Variants in TARP observed in about 807,000 individuals in gnomAD.
the TARP span, among the ~76,000 whole-genome samples, chr7:38,266,498 C>T: frequency 3.5e-3 from 535 of 152,042 alleles, 5 homozygotes; most frequent in Middle Eastern, 0.02. Flanking sequence ...GAACATGTTT[C>T]ACCATATTGA....
the TARP span, among the ~76,000 whole-genome samples, chr7:38,264,616 T>C: frequency 2.0e-5 from 3 of 151,576 alleles, no homozygotes; most frequent in Non-Finnish European, 4.4e-5. Flanking sequence ...TTTTTACTTT[T>C]AGAATTTAGT....
the TARP span, among the ~76,000 whole-genome samples, chr7:38,268,604 T>A: frequency 1.3e-5 from 2 of 151,198 alleles, no homozygotes; most frequent in East Asian, 3.9e-4. Flanking sequence ...GACCAATATG[T>A]TGGTGTTAGA....
the TARP span, chr7:38,265,212 C>A: frequency 1.4e-6 from 1 of 694,992 alleles, no homozygotes; most frequent in Non-Finnish European, 2.3e-6. Flanking sequence ...AGAAAAGTAG[C>A]AGGGCATTTA....
the TARP span, among the ~76,000 whole-genome samples, chr7:38,272,720 C>A: frequency 1.6e-4 from 24 of 149,792 alleles, no homozygotes; most frequent in Non-Finnish European, 3.1e-4. Flanking sequence ...ATAGAAAGTG[C>A]TAGCTCCAGG....
At chr7:38,264,082 C>T in the TARP span, among the ~76,000 whole-genome samples, 7 of 151,866 alleles carry the variant, frequency 4.6e-5, no homozygotes, top group Non-Finnish European at 8.8e-5. Context: ...AGTTCTCTCT[C>T]TCTCTCAATC....
chr7:38,266,219 T>C, the TARP span, among the ~76,000 whole-genome samples: 2 of 151,890 alleles, frequency 1.3e-5, no homozygotes, highest in African/African-American at 4.8e-5. Flanking sequence ...TTCTGCAATT[T>C]CGTGTACTCC....
chr7:38,259,826 A>T, the TARP span: 1 of 434,194 alleles, frequency 2.3e-6, no homozygotes, highest in Non-Finnish European at 4.2e-6. Flanking sequence ...AGCAGGCGCT[A>T]TTTGGGTTGG....
chr7:38,264,784 C>T, the TARP span, among the ~76,000 whole-genome samples: 1 of 151,470 alleles, frequency 6.6e-6, no homozygotes, highest in African/African-American at 2.4e-5. Context: ...ATTTGCCTCC[C>T]CTTTGTGTCT....
chr7:38,261,564 C>T, the TARP span, among the ~76,000 whole-genome samples: 77 of 151,188 alleles, frequency 5.1e-4, no homozygotes, highest in African/African-American at 1.7e-3. Flanking sequence ...CATGTTTTTC[C>T]CAGTCATTAA....
chr7:38,266,096 G>A, the TARP span, among the ~76,000 whole-genome samples: 4 of 151,280 alleles, frequency 2.6e-5, no homozygotes, highest in African/African-American at 9.7e-5. Flanking sequence ...AAAGTGGAAG[G>A]TCAGAAAACC....
chr7:38,266,062 G>A, the TARP span, among the ~76,000 whole-genome samples: 2 of 151,120 alleles, frequency 1.3e-5, no homozygotes, highest in South Asian at 4.2e-4. Context: ...TAGTGAAGCA[G>A]GTTTTCAAGG....
chr7:38,271,693 G>T, the TARP span, among the ~76,000 whole-genome samples: 2 of 151,410 alleles, frequency 1.3e-5, no homozygotes, highest in African/African-American at 2.4e-5. Context: ...GAATAATTGT[G>T]TCTTAGAATA....
the TARP span, among the ~76,000 whole-genome samples, chr7:38,270,275 G>C: frequency 6.6e-6 from 1 of 151,774 alleles, no homozygotes; most frequent in Non-Finnish European, 1.5e-5. Flanking sequence ...TAAATCCATA[G>C]CAATTAAGCA....
At chr7:38,269,583 C>T in the TARP span, 2 of 641,882 alleles carry the variant, frequency 3.1e-6, no homozygotes, top group Non-Finnish European at 5.6e-6. Flanking sequence ...TTCAGTTTCC[C>T]TGAGTTCTTC....
chr7:38,265,499 TC>T, the TARP span: 2 of 1,612,202 alleles, frequency 1.2e-6, no homozygotes, highest in Non-Finnish European at 1.7e-6. Flanking sequence ...TTCATGGTGT[TC>T]CCCTCCTGGG....
chr7:38,270,183 G>A, the TARP span, among the ~76,000 whole-genome samples: 3 of 152,124 alleles, frequency 2.0e-5, no homozygotes, highest in African/African-American at 7.2e-5. Context: ...TGCTATGATT[G>A]TGTGCCTTGA....
At chr7:38,265,837 T>C in the TARP span, among the ~76,000 whole-genome samples, 1 of 151,162 alleles carries the variant, frequency 6.6e-6, no homozygotes, top group South Asian at 2.1e-4. Flanking sequence ...ACAGTACTTA[T>C]TATTGTGCTT....
the TARP span, among the ~76,000 whole-genome samples, chr7:38,273,381 T>C: frequency 2.6e-5 from 4 of 151,300 alleles, no homozygotes; most frequent in Admixed American, 6.6e-5. Flanking sequence ...CTTTAGAGAT[T>C]TGCAGTTGGT....
At chr7:38,267,152 T>C in the TARP span, among the ~76,000 whole-genome samples, 2 of 151,866 alleles carry the variant, frequency 1.3e-5, no homozygotes, top group African/African-American at 4.8e-5. Flanking sequence ...CTGTCCTATA[T>C]GCTGCTTAAC....
Sources: allele counts gnomAD v4.1 joint callset (sites outside exome capture counted in the v4.1 genomes callset), GRCh38; gene constraint gnomAD v4.1.1; transcripts MANE v1.5.